Variants in FOCAD observed in about 807,000 individuals in gnomAD.
The protein encoded by FOCAD is focadhesin.
A neutral mutation model predicts 225.6 loss-of-function variants in FOCAD; 198 were observed. The observed-to-expected ratio is 0.88, with a 90% CI of 0.78 to 0.99. The LOEUF (loss-of-function observed/expected upper bound fraction) is 0.99, where lower values mean the gene tolerates loss of function less well. FOCAD is among the 50% of genes least tolerant of loss of function. The pLI is 0.00. For missense variants in FOCAD, 2,713 were observed against 2,123.6 expected, an observed-to-expected ratio of 1.28 and a Z score of -5.46; for synonymous variants, 897 against 755.0, an observed-to-expected ratio of 1.19 and a Z score of -3.08.
Position 20,976,487 on chromosome 9 carries a change from C to G in FOCAD, c.4200C>G (p.Ser1400Arg). 2 of 1,613,330 alleles carry G rather than the reference C, an allele frequency of 1.2e-6. No individual in the cohort carries two copies. Among genetic ancestry groups the G allele is most frequent in the East Asian group, 2.2e-5 (1 of 44,864 alleles). ...VMKPIATVGESYQYPPVNWAA... is the reference protein window; with the variant it reads ...VMKPIATVGERYQYPPVNWAA... ...AACCCATAGCAACTGTTGGAGAAAGCTACCAATATCCTCCTGTGAACTGGG... is the reference window on the plus strand; with the variant it reads ...AACCCATAGCAACTGTTGGAGAAAGGTACCAATATCCTCCTGTGAACTGGG... The change falls in exon 36 of 44, where the codon AGC becomes AGG. Residue 1400 changes from serine (S) to arginine (R), a missense_variant. By Grantham distance (110) the Ser-to-Arg change is moderately radical. Transcript: ENST00000338382.
chr9:20,977,240 C>T (rs563710148), intron 36 of FOCAD, among the ~76,000 whole-genome samples: 2 of 152,314 alleles, frequency 1.3e-5, no homozygotes, highest in Admixed American at 6.5e-5. Context: ...TTAATAGGCT[C>T]ACTTACATAA....
rs1041814232 is a variant in FOCAD, at chr9:20,865,922, T to C, written c.2056-4T>C. On this transcript the variant is annotated splice_region_variant and splice_polypyrimidine_tract_variant and intron_variant, in intron 16 of 43. Transcript: ENST00000338382. ...ATTTATTCTTTTGTATGTTAACTTT[T>C]CAGAATTTTAAAGTTCAAGTCCTCA... The C allele has an allele frequency of 1.2e-6, 2 of 1,604,136 alleles. No homozygotes were observed. The highest frequency in any genetic ancestry group is 1.7e-6 in the Non-Finnish European group (2 of 1,174,424).
At position 20,819,715 on chromosome 9, in the gene FOCAD, GA is replaced by G. The variant is rs1354019418; in HGVS notation, c.1456-74del. ...CATTCATATTCATATTATTCCTCTG[GA>G]AAAAAAGAGATAAATATTCCATTAT... On this transcript the variant is annotated intron_variant, in intron 11 of 43. Coordinates refer to ENST00000338382, the MANE Select transcript of FOCAD (RefSeq NM_001375567.1). The G allele has an allele frequency of 2.6e-5, 17 of 653,940 alleles. No individual in the cohort carries two copies. In the Middle Eastern group the frequency reaches 1.4e-3, roughly 53 times the overall value. 40.5% of individuals were successfully genotyped at this position (653,940 alleles called of 1,614,324 possible). A position where few individuals can be genotyped will look rare whatever the true frequency, so the allele number is the denominator to read the frequency against.
chr9:20,993,101 C>A, intron 42 of FOCAD, 152 bp from the exon 43 acceptor site: 3 of 604,688 alleles, frequency 5.0e-6, no homozygotes, highest in Non-Finnish European at 8.8e-6. Context: ...TCTCCTCCAC[C>A]TGGGGAAGGT....
At chr9:20,679,215 G>A (rs1243849178) in intron 2 of FOCAD, among the ~76,000 whole-genome samples, 1 of 151,380 alleles carries the variant, frequency 6.6e-6, no homozygotes, top group Non-Finnish European at 1.5e-5. Flanking sequence ...GATCATGTAT[G>A]GCCCTGTTGG....
At chr9:20,871,426 A>C (rs971060941) in intron 18 of FOCAD, among the ~76,000 whole-genome samples, 7 of 151,846 alleles carry the variant, frequency 4.6e-5, no homozygotes, top group African/African-American at 1.7e-4. Flanking sequence ...TTATTGCCAA[A>C]ATTTTATAAC....
intron 2 of FOCAD, among the ~76,000 whole-genome samples, chr9:20,716,594 C>A (rs913927326): frequency 6.6e-6 from 1 of 151,656 alleles, no homozygotes; most frequent in Non-Finnish European, 1.5e-5. Flanking sequence ...TTTCTTTGTC[C>A]CTATTGTGTT....
At chr9:20,836,416 C>A (rs1271059566) in intron 15 of FOCAD, among the ~76,000 whole-genome samples, 1 of 151,988 alleles carries the variant, frequency 6.6e-6, no homozygotes, top group Non-Finnish European at 1.5e-5. Flanking sequence ...GCCTGTCTAA[C>A]CTTGCAGAAG....
rs891995445 is a variant in FOCAD, at chr9:20,714,658, T to G, written c.-32-664T>G. Among the ~76,000 whole-genome samples the G allele has an allele frequency of 6.4e-3, 856 of 133,452 alleles. 3 individuals carry two copies. The highest frequency in any genetic ancestry group is 0.021 in the African/African-American group (616 of 28,794). 87.5% of individuals were successfully genotyped at this position (133,452 alleles called of 152,430 possible). On this transcript the variant is annotated intron_variant, in intron 1 of 43. Transcript: ENST00000338382. ...TGCCTTCCTTCCTTCCTTCCTTCCT[T>G]CCTTCCTTCCTTCCTTCCTTCCTTC...
chr9:20,803,048 T>G (rs1822017230), intron 11 of FOCAD, among the ~76,000 whole-genome samples: 1 of 152,166 alleles, frequency 6.6e-6, no homozygotes, highest in African/African-American at 2.4e-5. Flanking sequence ...ATAATTATCC[T>G]GGTGACATTT....
chr9:20,819,479 G>T (rs1045638216), intron 11 of FOCAD, among the ~76,000 whole-genome samples: 4 of 152,110 alleles, frequency 2.6e-5, no homozygotes, highest in Non-Finnish European at 5.9e-5. Context: ...TTCTCAAAGT[G>T]CTGGGATTAC....
intron 35 of FOCAD, among the ~76,000 whole-genome samples, chr9:20,975,563 T>C (rs2132579028): frequency 6.6e-6 from 1 of 152,324 alleles, no homozygotes; most frequent in African/African-American, 2.4e-5. Flanking sequence ...TTCTCTCTGC[T>C]GGAAGTAGAT....
At chr9:20,940,659 C>T (rs1351835901) in intron 28 of FOCAD, among the ~76,000 whole-genome samples, 3 of 152,208 alleles carry the variant, frequency 2.0e-5, no homozygotes, top group Non-Finnish European at 2.9e-5. Flanking sequence ...ATTTTCACAT[C>T]TGTTTCTCAT....
upstream of FOCAD, among the ~76,000 whole-genome samples, chr9:20,682,049 C>A (rs935216719): frequency 6.6e-6 from 1 of 152,130 alleles, no homozygotes; most frequent in African/African-American, 2.4e-5. Context: ...GGACTCCTGT[C>A]GTGCCCTTAT....
At chr9:20,844,004 A>G (rs1826814699) in intron 15 of FOCAD, among the ~76,000 whole-genome samples, 1 of 152,146 alleles carries the variant, frequency 6.6e-6, no homozygotes, top group Admixed American at 6.6e-5. Context: ...GGGCCAGGCA[A>G]GTGAACTTGC....
intron 28 of FOCAD, among the ~76,000 whole-genome samples, chr9:20,940,954 C>T (rs1009378155): frequency 1.3e-5 from 2 of 152,106 alleles, no homozygotes; most frequent in Admixed American, 6.5e-5. Context: ...GTGTCACCCA[C>T]ACTTTTTTTT....
chr9:20,927,543 C>T (rs1835074430), intron 26 of FOCAD, among the ~76,000 whole-genome samples: 1 of 151,416 alleles, frequency 6.6e-6, no homozygotes, highest in African/African-American at 2.4e-5. Flanking sequence ...AAAAAAAAGC[C>T]ACCTGTTACC....
At chr9:20,969,328 T>C (rs867864492) in intron 35 of FOCAD, among the ~76,000 whole-genome samples, 2 of 152,132 alleles carry the variant, frequency 1.3e-5, no homozygotes, top group African/African-American at 4.8e-5. Context: ...TATATCCTCA[T>C]TAATCATACG....
At chr9:20,973,489 T>G (rs186841298) in intron 35 of FOCAD, among the ~76,000 whole-genome samples, 2 of 152,088 alleles carry the variant, frequency 1.3e-5, no homozygotes, top group East Asian at 3.9e-4. Flanking sequence ...GCTGCTGTTT[T>G]CACTTTTGCT....
Sources: gnomAD v4.1 joint callset for allele counts (sites outside exome capture counted in the v4.1 genomes callset) on GRCh38, gnomAD v4.1.1 for gene constraint, MANE v1.5 for transcripts, NCBI Gene and HGNC (gene_info 2026-07-23, HGNC 2026-07-21) for gene names.